Variants in RASA2 observed in about 807,000 individuals in gnomAD.
RASA2 encodes the protein ras GTPase-activating protein 2.
In RASA2, 155 loss-of-function variants were observed where a neutral mutation model predicts 118.2. The observed-to-expected ratio is 1.31, with a 90% confidence interval of 1.15 to 1.50. RASA2 has a LOEUF of 1.50. RASA2 is among the 40% of genes most tolerant of loss of function. RASA2 has a pLI of 0.00. For synonymous variants in RASA2, 353 were observed against 349.1 expected (o/e 1.01, Z -0.12); for missense variants, 1,016 against 1,009.6 (o/e 1.01, Z -0.09).
rs766109254 is a variant in RASA2 at position 141,558,943 on chromosome 3, A to C, written c.742A>C (p.Ile248Leu). ...CCAGTTCCAGGTAGAAGAGGAGGAC[A>C]TTGAAAAGCTAGAAATCAGGTATGT... ...KSQFQVEEEDIEKLEIRIDLW... is the reference protein window; with the variant it reads ...KSQFQVEEEDLEKLEIRIDLW... The change falls in exon 8 of 24, where the codon ATT becomes CTT. Residue 248 changes from isoleucine to leucine, a missense_variant. This residue lies in a region of RASA2 where 896 missense variants were observed against 836.4 expected (regional missense o/e 1.07). Coordinates refer to ENST00000286364, the MANE Select transcript of RASA2 (RefSeq NM_006506.5). 6.2e-7 allele frequency: 1 copy of C among 1,606,122 alleles called. No individual in the cohort carries two copies. Among genetic ancestry groups the C allele is most frequent in the Non-Finnish European group, 8.5e-7 (1 of 1,173,412 alleles).
chr3:141,598,367 TAACA>T (rs565547033), intron 19 of RASA2, among the ~76,000 whole-genome samples: 165 of 152,330 alleles, frequency 1.1e-3, no homozygotes, highest in African/African-American at 3.8e-3. Context: ...TTTATCTTAT[TAACA>T]GACTAAATGT....
At chr3:141,513,131 G>A (rs1276793246) in intron 2 of RASA2, among the ~76,000 whole-genome samples, 1 of 149,336 alleles carries the variant, frequency 6.7e-6, no homozygotes, top group South Asian at 2.1e-4. Flanking sequence ...AGCATGTGGT[G>A]GATGAAATAT....
chr3:141,503,393 T>A (rs1255695078), intron 1 of RASA2, among the ~76,000 whole-genome samples: 1 of 152,222 alleles, frequency 6.6e-6, no homozygotes, highest in African/African-American at 2.4e-5. Context: ...ATGGTAGGAT[T>A]TGAATTTACT....
At chr3:141,543,063 G>T (rs1175301733) in intron 5 of RASA2, among the ~76,000 whole-genome samples, 1 of 151,678 alleles carries the variant, frequency 6.6e-6, no homozygotes, top group Non-Finnish European at 1.5e-5. Context: ...GCTTAAATAT[G>T]CCATTTTTTG....
chr3:141,580,085 A>AAAAAAATATAT (rs1553797703), intron 15 of RASA2, among the ~76,000 whole-genome samples: 4 of 59,598 alleles, frequency 6.7e-5, no homozygotes, highest in South Asian at 9.1e-4. Context: ...AAAAAAAAAA[A>AAAAAAATATAT]ATATATATAT....
chr3:141,529,415 A>G (rs1047575613), intron 3 of RASA2, among the ~76,000 whole-genome samples: 11 of 152,136 alleles, frequency 7.2e-5, no homozygotes, highest in African/African-American at 2.2e-4. Flanking sequence ...GGGTAAAAAC[A>G]TGAATCTGAA....
intron 23 of RASA2, among the ~76,000 whole-genome samples, chr3:141,610,293 A>G (rs1240558426): frequency 2.8e-5 from 4 of 144,406 alleles, no homozygotes; most frequent in African/African-American, 7.6e-5. Flanking sequence ...AATTTCATAT[A>G]TATGTATATG....
At position 141,607,733 on chromosome 3, in the gene RASA2, G is replaced by A. The variant is rs1267647386; in HGVS notation, c.1989G>A (p.Leu663=). ...AAAACATTCTTGCTGTGGAAAAACTGGAAGAGAGCTCTTTCAACAAGAAAA... is the reference window on the plus strand; with the variant it reads ...AAAACATTCTTGCTGTGGAAAAACTAGAAGAGAGCTCTTTCAACAAGAAAA... The part of the protein sequence containing the change: ...PVKNILAVEK[L]EESSFNKKNM... The change falls in exon 20 of 24, where the codon CTG becomes CTA. Residue 663 remains leucine, a synonymous_variant. Transcript: ENST00000286364. 1 of 1,600,606 alleles carries A rather than the reference G, an allele frequency of 6.2e-7. No individual in the cohort carries two copies. The highest frequency in any genetic ancestry group is 8.5e-7 in the Non-Finnish European group (1 of 1,174,382).
At chr3:141,508,276 C>T (rs2081899191) in intron 1 of RASA2, among the ~76,000 whole-genome samples, 1 of 152,056 alleles carries the variant, frequency 6.6e-6, no homozygotes, top group African/African-American at 2.4e-5. Flanking sequence ...GTTACCTGAG[C>T]TGAGGAAAGG....
chr3:141,554,545 C>CT (rs2151114457), intron 6 of RASA2, among the ~76,000 whole-genome samples: 1 of 152,294 alleles, frequency 6.6e-6, no homozygotes, highest in South Asian at 2.1e-4. Flanking sequence ...ATTATGATTT[C>CT]TTTAAGGAAC....
At chr3:141,524,020 C>T (rs1400953988) in intron 3 of RASA2, among the ~76,000 whole-genome samples, 1 of 152,190 alleles carries the variant, frequency 6.6e-6, no homozygotes, top group Non-Finnish European at 1.5e-5. Flanking sequence ...TGTCTGTTTG[C>T]ACAGGGACTA....
chr3:141,523,429 C>T (rs1472504157), intron 3 of RASA2, among the ~76,000 whole-genome samples: 2 of 152,120 alleles, frequency 1.3e-5, no homozygotes, highest in Non-Finnish European at 1.5e-5. Flanking sequence ...TACTTTTGAC[C>T]ACTGCCTCCT....
rs371202445 is a variant in RASA2, at chr3:141,569,180, G to C, written c.864-1732G>C. 1.4e-4 allele frequency among the ~76,000 whole-genome samples: 21 copies of C among 152,138 alleles called. No individual in the cohort carries two copies. In the East Asian group the frequency reaches 2.9e-3, roughly 21 times the overall value. On this transcript the variant is annotated intron_variant, in intron 9 of 23. Transcript: ENST00000286364. ...TATTGAAGAATAAGAATACAGTTAA[G>C]TTTTTTTCCTGGATGTTTTTAGATA...
At chr3:141,506,549 A>T (rs1452139224) in intron 1 of RASA2, among the ~76,000 whole-genome samples, 1 of 152,160 alleles carries the variant, frequency 6.6e-6, no homozygotes, top group African/African-American at 2.4e-5. Context: ...TCAAACTATG[A>T]TTTGTGAATT....
intron 10 of RASA2, 23 bp from the exon 11 acceptor site, chr3:141,571,380 CTTG>C: frequency 1.2e-6 from 2 of 1,600,660 alleles, no homozygotes; most frequent in Non-Finnish European, 1.7e-6. Context: ...GATGTTTGTG[CTTG>C]TTTTCTACCT....
intron 3 of RASA2, among the ~76,000 whole-genome samples, chr3:141,517,682 G>C (rs35711802): frequency 0.47 from 71,463 of 151,756 alleles, 18,211 homozygotes; most frequent in African/African-American, 0.68. Flanking sequence ...GAGACGGAGT[G>C]TCACTCTGTC....
chr3:141,572,597 T>C lies in RASA2; in HGVS notation c.1170-12T>C. On this transcript the variant is annotated splice_polypyrimidine_tract_variant and intron_variant, in intron 11 of 23. Coordinates refer to ENST00000286364, the MANE Select transcript of RASA2 (RefSeq NM_006506.5). ...TGTTTACTACATTTGGTTTCATCTA[T>C]TTCTATTTCAGAGATGCAAACACAA... 6.3e-7 allele frequency: 1 copy of C among 1,581,586 alleles called. No individual in the cohort carries two copies. The highest frequency in any genetic ancestry group is 8.7e-7 in the Non-Finnish European group (1 of 1,150,748).
chr3:141,596,331 A>G (rs1271263479), intron 19 of RASA2, among the ~76,000 whole-genome samples: 1 of 152,224 alleles, frequency 6.6e-6, no homozygotes, highest in Non-Finnish European at 1.5e-5. Flanking sequence ...AAATGCAACA[A>G]ATATATCAAA....
chr3:141,609,659 C>A, intron 22 of RASA2, 136 bp downstream of exon 22: 1 of 818,530 alleles, frequency 1.2e-6, no homozygotes, highest in Non-Finnish European at 1.8e-6. Flanking sequence ...GACAAACCCA[C>A]AGAGAGGCAT....
Sources: allele counts gnomAD v4.1 joint callset (sites outside exome capture counted in the v4.1 genomes callset), GRCh38; gene constraint gnomAD v4.1.1; regional missense constraint gnomAD v4.1.1; transcripts MANE v1.5; gene names NCBI Gene and HGNC (gene_info 2026-07-23, HGNC 2026-07-21).